MYT1L: variants seen among roughly 807,000 people sequenced by gnomAD.
The protein encoded by MYT1L is myelin transcription factor 1 like.
MYT1L carries 12 observed loss-of-function variants against 126.7 expected under a neutral mutation model. The ratio of observed to expected loss-of-function variants is 0.09; its 90% CI spans 0.06 to 0.15. MYT1L has a LOEUF of 0.15. Among genes scored for constraint, MYT1L ranks in the 10% least tolerant of loss-of-function variants. MYT1L has a pLI of 1.00. For missense variants in MYT1L, 979 were observed against 1,585.2 expected, an observed-to-expected ratio of 0.62 and a Z score of 6.49; for synonymous variants, 541 against 604.2, an observed-to-expected ratio of 0.90 and a Z score of 1.53.
intron 14 of MYT1L, among the ~76,000 whole-genome samples, chr2:1,899,003 A>G (rs889793624): frequency 2.0e-5 from 3 of 152,218 alleles, no homozygotes; most frequent in African/African-American, 4.8e-5. Context: ...GGAAGGTCTG[A>G]GCGCTGGAGA....
chr2:1,978,218 G>A (rs1032984162), intron 8 of MYT1L, among the ~76,000 whole-genome samples: 8 of 152,252 alleles, frequency 5.3e-5, no homozygotes, highest in African/African-American at 1.9e-4. Flanking sequence ...GCAAGGCCGT[G>A]AGGAGAGGCC....
chr2:1,983,701 G>T (rs949062874), intron 5 of MYT1L, among the ~76,000 whole-genome samples: 22 of 152,198 alleles, frequency 1.4e-4, no homozygotes, highest in African/African-American at 5.1e-4. Context: ...GCAGCCTCAG[G>T]CGTTTAAACC....
intron 2 of MYT1L, among the ~76,000 whole-genome samples, chr2:2,230,590 C>T (rs554707617): frequency 6.6e-6 from 1 of 152,292 alleles, no homozygotes; most frequent in South Asian, 2.1e-4. Context: ...TGCAAGGTGA[C>T]ATGTGACAGT....
At chr2:2,166,451 A>C (rs1338208255) in intron 3 of MYT1L, among the ~76,000 whole-genome samples, 1 of 152,216 alleles carries the variant, frequency 6.6e-6, no homozygotes, top group Non-Finnish European at 1.5e-5. Context: ...TATTATAATG[A>C]GGGGAGAAGG....
At chr2:2,061,246 T>C (rs143963879) in intron 3 of MYT1L, among the ~76,000 whole-genome samples, 3 of 152,106 alleles carry the variant, frequency 2.0e-5, no homozygotes, top group Non-Finnish European at 4.4e-5. Flanking sequence ...ATTAGGGAGC[T>C]GTGGACCCTG....
At chr2:2,151,212 T>C (rs2085733551) in intron 3 of MYT1L, among the ~76,000 whole-genome samples, 1 of 152,226 alleles carries the variant, frequency 6.6e-6, no homozygotes. Flanking sequence ...ACACTGCAGC[T>C]TAAAAAACAT....
intron 14 of MYT1L, among the ~76,000 whole-genome samples, chr2:1,899,821 TAGAC>T (rs1253094039): frequency 6.6e-6 from 1 of 152,168 alleles, no homozygotes; most frequent in Non-Finnish European, 1.5e-5. Context: ...GAAGGCATGA[TAGAC>T]TGACAGATGG....
intron 2 of MYT1L, among the ~76,000 whole-genome samples, chr2:2,281,118 C>G (rs978511857): frequency 6.6e-6 from 1 of 152,156 alleles, no homozygotes; most frequent in East Asian, 1.9e-4. Flanking sequence ...GTGGTTACCC[C>G]ACACCGTTCT....
intron 3 of MYT1L, among the ~76,000 whole-genome samples, chr2:2,146,763 G>A (rs574249211): frequency 1.3e-5 from 2 of 152,160 alleles, no homozygotes; most frequent in Non-Finnish European, 2.9e-5. Context: ...ATTAATCAAT[G>A]AGCTGACACC....
chr2:2,187,016 C>G (rs949961889), intron 2 of MYT1L, among the ~76,000 whole-genome samples: 2 of 152,138 alleles, frequency 1.3e-5, no homozygotes, highest in African/African-American at 4.8e-5. Flanking sequence ...AAGGTATGAT[C>G]GAAACTTGGC....
chr2:2,143,962 A>AGGGG (rs60584565), intron 3 of MYT1L, among the ~76,000 whole-genome samples: 2 of 81,944 alleles, frequency 2.4e-5, no homozygotes, highest in Non-Finnish European at 4.8e-5. Flanking sequence ...GGACTATTAG[A>AGGGG]GGGGGAGGGA....
In MYT1L at chr2:1,791,901, T is replaced by G; in HGVS notation, c.3527A>C (p.Asn1176Thr). 1 of 1,609,700 alleles carries G rather than the reference T, an allele frequency of 6.2e-7. No homozygotes were observed. The highest frequency in any genetic ancestry group is 8.5e-7 in the Non-Finnish European group (1 of 1,178,876). ...AATTCCTCTCACAGCCTGCTTTATA[T>G]TTTCCAGTAGGGCTTTATTTTCTGG... ...QSPENKALLE[N>T]IKQAVRGIQV Residue 1176 changes from asparagine to threonine, a missense_variant, in exon 25 of 25, where the codon AAT becomes ACT. Asn to Thr is a moderately conservative substitution (Grantham distance 65). This residue lies in a region of MYT1L where 179 missense variants were observed against 398.6 expected (regional missense o/e 0.45). Coordinates refer to ENST00000647738, the MANE Select transcript of MYT1L (RefSeq NM_001303052.2). The surrounding 1 kb of genome is among the most constrained non-coding windows in gnomAD (Gnocchi z 6.0).
intron 1 of MYT1L, among the ~76,000 whole-genome samples, chr2:2,294,109 A>T (rs1018921662): frequency 9.2e-5 from 14 of 152,330 alleles, no homozygotes; most frequent in African/African-American, 3.4e-4. Context: ...AGTGTAAAAT[A>T]TTAAATTATG....
chr2:2,214,404 A>G (rs1293661637), intron 2 of MYT1L, among the ~76,000 whole-genome samples: 1 of 152,122 alleles, frequency 6.6e-6, no homozygotes, highest in Non-Finnish European at 1.5e-5. Context: ...ACACATAGAA[A>G]ATTACATACA....
At chr2:1,813,595 C>T (rs1445570759) in intron 21 of MYT1L, among the ~76,000 whole-genome samples, 1 of 152,098 alleles carries the variant, frequency 6.6e-6, no homozygotes, top group African/African-American at 2.4e-5. Context: ...CGGCGGGATT[C>T]GATTCTCCCA....
Position 1,791,681 on chromosome 2 carries a change from G to T in MYT1L, c.*186C>A. On this transcript the variant is annotated 3_prime_UTR_variant, in exon 25 of 25. Transcript: ENST00000647738. This position sits in a 1 kb window ranked among gnomAD's most constrained non-coding sequence, Gnocchi z 6.0. The stretch of plus-strand genomic sequence containing the variant: ...ACATGGAAACGTACAAAATGTGGGT[G>T]TATTCAAAAACTATTCTGCAGGTAC... 3.6e-6 allele frequency: 2 copies of T among 560,764 alleles called. No individual in the cohort carries two copies. Among genetic ancestry groups the T allele is most frequent in the Non-Finnish European group, 6.0e-6 (2 of 332,836 alleles). The allele number at this position is 560,764 out of a possible 1,614,324, so 34.7% of individuals were successfully genotyped here.
At chr2:2,262,931 TAACCTGTG>T (rs145557462) in intron 2 of MYT1L, among the ~76,000 whole-genome samples, 611 of 41,146 alleles carry the variant, frequency 0.015, 11 homozygotes, top group East Asian at 0.038. Flanking sequence ...TATATATATA[TAACCTGTG>T]ATATATATAT....
At chr2:2,157,116 A>G (rs2086858408) in intron 3 of MYT1L, among the ~76,000 whole-genome samples, 1 of 152,222 alleles carries the variant, frequency 6.6e-6, no homozygotes, top group South Asian at 2.1e-4. Context: ...TTAGAAGCAC[A>G]GAGTACATTT....
chr2:2,052,813 T>A (rs2068996384), intron 4 of MYT1L, among the ~76,000 whole-genome samples: 1 of 152,182 alleles, frequency 6.6e-6, no homozygotes, highest in Non-Finnish European at 1.5e-5. Context: ...GAAATTGGAA[T>A]CCTTGTGAAC....
Sources: gnomAD v4.1 joint callset for allele counts (sites outside exome capture counted in the v4.1 genomes callset) on GRCh38, gnomAD v4.1.1 for gene constraint, gnomAD v4.1.1 regional missense constraint, Gnocchi (gnomAD v3.1) non-coding constraint, MANE v1.5 for transcripts, NCBI Gene and HGNC (gene_info 2026-07-23, HGNC 2026-07-21) for gene names.